The following HYCC1 variants were observed in gnomAD, a reference collection of about 807,000 sequenced individuals.
The protein encoded by HYCC1 is hyccin PI4KA lipid kinase complex subunit 1, also known as hyccin.
chr7:22,935,607 C>G, the HYCC1 span: 1 of 152,146 alleles, frequency 6.6e-6, no homozygotes, highest in Admixed American at 6.5e-5. Context: ...GCCAATACCT[C>G]CAGGAAAGAA....
At chr7:22,938,113 C>A in the HYCC1 span, 1 of 152,052 alleles carries the variant, frequency 6.6e-6, no homozygotes, top group African/African-American at 2.4e-5. Context: ...AAATCTTTGC[C>A]CAGGAAAGAT....
At chr7:22,965,594 TAA>T in the HYCC1 span, among the ~76,000 whole-genome samples, 11 of 114,648 alleles carry the variant, frequency 9.6e-5, no homozygotes, top group Non-Finnish European at 1.3e-4. Context: ...ACATGGAAAC[TAA>T]AAAAAAAAAA....
At chr7:22,989,190 A>G in the HYCC1 span, among the ~76,000 whole-genome samples, 1 of 151,388 alleles carries the variant, frequency 6.6e-6, no homozygotes, top group Non-Finnish European at 1.5e-5. Flanking sequence ...TAGAAGAAAT[A>G]GCATTCAACT....
chr7:23,010,559 G>A, the HYCC1 span, among the ~76,000 whole-genome samples: 2 of 152,132 alleles, frequency 1.3e-5, no homozygotes, highest in African/African-American at 4.8e-5. Flanking sequence ...ACTTTTGGAG[G>A]TGAATATTAT....
At chr7:22,933,465 G>C in the HYCC1 span, among the ~76,000 whole-genome samples, 1 of 151,726 alleles carries the variant, frequency 6.6e-6, no homozygotes, top group African/African-American at 2.4e-5. Flanking sequence ...AAGTCTAATG[G>C]TCTGATATTA....
chr7:22,998,840 T>C, the HYCC1 span, among the ~76,000 whole-genome samples: 1 of 152,180 alleles, frequency 6.6e-6, no homozygotes, highest in Non-Finnish European at 1.5e-5. Context: ...ACAAATCTTC[T>C]ACATCAAACT....
chr7:22,954,477 G>GT, the HYCC1 span, among the ~76,000 whole-genome samples: 1 of 149,176 alleles, frequency 6.7e-6, no homozygotes, highest in Non-Finnish European at 1.5e-5. Context: ...TCACTTTTTT[G>GT]TTTTTTTTAA....
the HYCC1 span, chr7:22,935,596 A>G: frequency 6.6e-6 from 1 of 152,178 alleles, no homozygotes; most frequent in Admixed American, 6.6e-5. Flanking sequence ...TTCTAGAATC[A>G]GCCAATACCT....
chr7:22,904,228 G>A, the HYCC1 span, among the ~76,000 whole-genome samples: 7 of 151,942 alleles, frequency 4.6e-5, no homozygotes, highest in South Asian at 6.2e-4. Flanking sequence ...TCAGGAGATC[G>A]AGACCATCTT....
the HYCC1 span, among the ~76,000 whole-genome samples, chr7:22,931,547 G>A: frequency 6.6e-6 from 1 of 152,126 alleles, no homozygotes; most frequent in South Asian, 2.1e-4. Flanking sequence ...TGAGATACAT[G>A]ATAGAAAACC....
chr7:22,936,339 A>G, the HYCC1 span: 5 of 152,200 alleles, frequency 3.3e-5, no homozygotes, highest in Non-Finnish European at 7.3e-5. Flanking sequence ...TGGCAGTAAT[A>G]AGGACAGCCT....
chr7:22,946,186 T>G, the HYCC1 span: 1 of 1,583,150 alleles, frequency 6.3e-7, no homozygotes, highest in Middle Eastern at 1.7e-4. Flanking sequence ...ATGACAAAGA[T>G]TAATTAACAT....
the HYCC1 span, among the ~76,000 whole-genome samples, chr7:22,905,434 C>T: frequency 9.0e-6 from 1 of 111,228 alleles, no homozygotes; most frequent in South Asian, 2.9e-4. Context: ...AGTGTTTCTC[C>T]TTGTTGGCCG....
At chr7:22,992,662 C>G in the HYCC1 span, among the ~76,000 whole-genome samples, 1 of 152,012 alleles carries the variant, frequency 6.6e-6, no homozygotes, top group African/African-American at 2.4e-5. Flanking sequence ...CCTGTATCTA[C>G]TTTTTTTATG....
the HYCC1 span, among the ~76,000 whole-genome samples, chr7:22,930,381 G>GAAAAAAAAAAAAAAA: frequency 9.2e-6 from 1 of 108,122 alleles, no homozygotes; most frequent in African/African-American, 3.4e-5. Context: ...AAAGTAAAAA[G>GAAAAAAAAAAAAAAA]AAAAAGAAAA....
the HYCC1 span, among the ~76,000 whole-genome samples, chr7:22,980,535 C>A: frequency 6.6e-6 from 1 of 152,050 alleles, no homozygotes; most frequent in Admixed American, 6.6e-5. Context: ...TGGTAACAGG[C>A]ACATGACTCA....
At chr7:22,945,875 G>A in the HYCC1 span, 3 of 1,613,780 alleles carry the variant, frequency 1.9e-6, no homozygotes, top group Non-Finnish European at 2.5e-6. Flanking sequence ...GGTTGTTAAA[G>A]TAAGTCTCTT....
At chr7:22,926,607 G>A in the HYCC1 span, among the ~76,000 whole-genome samples, 2 of 152,098 alleles carry the variant, frequency 1.3e-5, no homozygotes, top group African/African-American at 2.4e-5. Flanking sequence ...TAATGGTAAA[G>A]GGATCAATTC....
At chr7:22,990,230 C>T in the HYCC1 span, among the ~76,000 whole-genome samples, 3 of 152,122 alleles carry the variant, frequency 2.0e-5, no homozygotes, top group Admixed American at 1.3e-4. Flanking sequence ...ACCAGAATAC[C>T]GTTTCATTTA....
Sources: gnomAD v4.1 joint callset for allele counts (sites outside exome capture counted in the v4.1 genomes callset) on GRCh38, gnomAD v4.1.1 for gene constraint, MANE v1.5 for transcripts, NCBI Gene and HGNC (gene_info 2026-07-23, HGNC 2026-07-21) for gene names.